The following FAP variants were observed in gnomAD, a reference collection of about 807,000 sequenced individuals.
FAP encodes the protein fibroblast activation protein alpha.
FAP carries 110 observed loss-of-function variants against 126.5 expected under a neutral mutation model. The ratio of observed to expected loss-of-function variants is 0.87; its 90% CI spans 0.74 to 1.02. FAP has a LOEUF of 1.02. Ranked by LOEUF, FAP falls within the 50% of genes least tolerant of loss-of-function variation. The pLI, the probability that FAP is intolerant of heterozygous loss-of-function variation, is 0.00. For synonymous variants in FAP, 334 were observed against 297.3 expected (o/e 1.12, Z -1.27); for missense variants, 919 against 909.2 (o/e 1.01, Z -0.14).
At chr2:162,218,915 T>C (rs1689269908) in intron 8 of FAP, 148 bp downstream of exon 8, 2 of 514,386 alleles carry the variant, frequency 3.9e-6, no homozygotes, top group African/African-American at 3.9e-5. Flanking sequence ...TTAAAATACG[T>C]ATGCCCTATT....
intron 6 of FAP, among the ~76,000 whole-genome samples, chr2:162,223,040 T>A (rs1197532695): frequency 6.6e-6 from 1 of 152,210 alleles, no homozygotes; most frequent in Non-Finnish European, 1.5e-5. Context: ...TATATGTATA[T>A]ATATATATGG....
chr2:162,239,791 C>T (rs761595146), intron 2 of FAP, among the ~76,000 whole-genome samples: 1 of 152,108 alleles, frequency 6.6e-6, no homozygotes. Flanking sequence ...GAATCTGAAA[C>T]GAGGTCAAAT....
At chr2:162,189,060 A>C in intron 19 of FAP, 43 bp downstream of exon 19, 1 of 1,254,078 alleles carries the variant, frequency 8.0e-7, no homozygotes, top group Non-Finnish European at 1.1e-6. Flanking sequence ...CATCTAACAT[A>C]TTTTCAGTAA....
At position 162,175,111 on chromosome 2, in the gene FAP, C is replaced by T. The variant is rs77619857; in HGVS notation, c.1870-145G>A. On this transcript the variant is annotated intron_variant, in intron 21 of 25. Transcript: ENST00000188790. ...GGATTACATGTCTATCTTGCATCCT[C>T]GGCAGCAAGCTTCAGATAAATGACC... The T allele has an allele frequency of 1.7e-3, 969 of 567,322 alleles. 2 individuals carry two copies. Among genetic ancestry groups the T allele is most frequent in the Middle Eastern group, 6.0e-3 (16 of 2,646 alleles). The allele number at this position is 567,322 out of a possible 1,614,324, so 35.1% of individuals were successfully genotyped here.
chr2:162,234,828 C>T (rs1053222937), intron 2 of FAP, among the ~76,000 whole-genome samples: 4 of 152,124 alleles, frequency 2.6e-5, no homozygotes, highest in Admixed American at 6.5e-5. Flanking sequence ...AGGCTGGAGC[C>T]GGCTCCCTTG....
chr2:162,177,768 TTGTC>T, intron 21 of FAP, among the ~76,000 whole-genome samples: 1 of 152,346 alleles, frequency 6.6e-6, no homozygotes, highest in South Asian at 2.1e-4. Flanking sequence ...GTAGATATTT[TTGTC>T]TGTCCTGTCA....
chr2:162,183,498 G>A (rs769518892), intron 20 of FAP, 30 bp from the exon 21 acceptor site: 3 of 1,341,840 alleles, frequency 2.2e-6, no homozygotes, highest in South Asian at 1.2e-5. Flanking sequence ...TTTTTAGAAT[G>A]TTAAGTGTAT....
rs200478597 is a variant in FAP at position 162,217,948 on chromosome 2, C to T, written c.762+38G>A. ...GGTAAATCATTGCTCATTTTGATAC[C>T]AGGAAAATGAAAGCATCGCTGAAAG... On this transcript the variant is annotated intron_variant, in intron 9 of 25. Coordinates refer to ENST00000188790, the MANE Select transcript of FAP (RefSeq NM_004460.5). 1.3e-3 allele frequency: 1,857 copies of T among 1,476,816 alleles called. 3 individuals are homozygous for T. Among genetic ancestry groups the T allele is most frequent in the Non-Finnish European group, 1.5e-3 (1,697 of 1,097,232 alleles). 91.5% of individuals were successfully genotyped at this position (1,476,816 alleles called of 1,614,324 possible). A position where few individuals can be genotyped will look rare whatever the true frequency, so the allele number is the denominator to read the frequency against.
intron 2 of FAP, among the ~76,000 whole-genome samples, chr2:162,235,114 G>A (rs1690063621): frequency 6.6e-6 from 1 of 151,814 alleles, no homozygotes; most frequent in Non-Finnish European, 1.5e-5. Flanking sequence ...AACCATGCCT[G>A]AGTCTCTCCC....
At chr2:162,187,237 T>G (rs545306515) in intron 20 of FAP, among the ~76,000 whole-genome samples, 71 of 152,240 alleles carry the variant, frequency 4.7e-4, no homozygotes, top group African/African-American at 1.7e-3. Context: ...TTCTGCATGT[T>G]GCAGTGAAAT....
At chr2:162,239,185 C>A (rs1690253332) in intron 2 of FAP, among the ~76,000 whole-genome samples, 1 of 152,038 alleles carries the variant, frequency 6.6e-6, no homozygotes, top group Admixed American at 6.6e-5. Flanking sequence ...GTGCATGCCA[C>A]CATGCCCAGC....
intron 16 of FAP, 171 bp downstream of exon 16, chr2:162,198,586 G>T: frequency 1.1e-6 from 1 of 927,628 alleles, no homozygotes; most frequent in Non-Finnish European, 1.6e-6. Context: ...AAAAAGTAAA[G>T]ATAATAATAC....
chr2:162,210,853 A>G (rs558550434), intron 11 of FAP, among the ~76,000 whole-genome samples: 3 of 152,344 alleles, frequency 2.0e-5, no homozygotes, highest in East Asian at 3.9e-4. Flanking sequence ...TGAGAATAGA[A>G]CAGAGAAAAT....
In FAP at chr2:162,242,996, C is replaced by T. The variant is rs772981108; in HGVS notation, c.7-4G>A. ...CAAATACGATTTTTACCCAAGTCTA[C>T]ATAAAATAAAGAGAATTAGGCATAC... On this transcript the variant is annotated splice_polypyrimidine_tract_variant and splice_region_variant and intron_variant, in intron 1 of 25. Transcript: ENST00000188790. 1 of 1,609,250 alleles carries T rather than the reference C, an allele frequency of 6.2e-7. No individual in the cohort carries two copies. Among genetic ancestry groups the T allele is most frequent in the Non-Finnish European group, 8.5e-7 (1 of 1,176,874 alleles).
intron 2 of FAP, among the ~76,000 whole-genome samples, chr2:162,235,346 C>T (rs928396291): frequency 7.9e-5 from 12 of 152,168 alleles, no homozygotes; most frequent in East Asian, 3.9e-4. Flanking sequence ...GGCTCCGGTG[C>T]GAGATCCACT....
chr2:162,188,092 G>T, intron 20 of FAP, 77 bp downstream of exon 20: 1 of 1,184,488 alleles, frequency 8.4e-7, no homozygotes, highest in Non-Finnish European at 1.2e-6. Flanking sequence ...ATTAAGTCAT[G>T]AAGAATGGAG....
intron 12 of FAP, among the ~76,000 whole-genome samples, chr2:162,203,735 A>G (rs939491063): frequency 1.3e-5 from 2 of 152,144 alleles, no homozygotes; most frequent in Non-Finnish European, 2.9e-5. Context: ...ACTGACCTCA[A>G]TGCCCTGGTT....
intron 18 of FAP, 116 bp from the exon 19 acceptor site, chr2:162,189,288 A>G: frequency 1.9e-6 from 1 of 539,318 alleles, no homozygotes; most frequent in Non-Finnish European, 3.2e-6. Context: ...AATTGTTAAG[A>G]ATTTAGGATA....
chr2:162,189,152 G>A lies in FAP; in HGVS notation c.1570C>T (p.Leu524Phe). The change falls in exon 19 of 26, where the codon CTT becomes TTT. Residue 524 changes from leucine to phenylalanine, a missense_variant. Physicochemically the swap from Leu to Phe is conservative, Grantham distance 22 (BLOSUM62 0). Transcript: ENST00000188790. Reference sequence around the variant, plus strand: ...TTTGATCTGTCAAATTGAGGAGGAAGAATCATCTTGTACCATAAAGCTTTG... The same window carrying A: ...TTTGATCTGTCAAATTGAGGAGGAAAAATCATCTTGTACCATAAAGCTTTG... Reference protein sequence around the residue: ...DEITLWYKMILPPQFDRSKKY... With the variant: ...DEITLWYKMIFPPQFDRSKKY... 1 of 1,599,580 alleles carries A rather than the reference G, an allele frequency of 6.3e-7. No individual in the cohort carries two copies.
Sources: allele counts gnomAD v4.1 joint callset (sites outside exome capture counted in the v4.1 genomes callset), GRCh38; gene constraint gnomAD v4.1.1; transcripts MANE v1.5; gene names NCBI Gene and HGNC (gene_info 2026-07-23, HGNC 2026-07-21).